Variants in SEC23A observed in about 807,000 individuals in gnomAD.
SEC23A encodes protein transport protein Sec23A.
SEC23A carries 56 observed loss-of-function variants against 103.7 expected under a neutral mutation model. That is an observed-to-expected ratio of 0.54 (90% CI 0.44 to 0.67). The LOEUF (loss-of-function observed/expected upper bound fraction) is 0.67, where lower values mean the gene tolerates loss of function less well. SEC23A is among the 30% of genes least tolerant of loss of function. The pLI is 0.00. For missense variants in SEC23A, 784 were observed against 936.4 expected, an observed-to-expected ratio of 0.84 and a Z score of 2.12; for synonymous variants, 281 against 293.0, an observed-to-expected ratio of 0.96 and a Z score of 0.42.
At chr14:39,059,309 A>AAAAAAAC in intron 13 of SEC23A, among the ~76,000 whole-genome samples, 2 of 87,654 alleles carry the variant, frequency 2.3e-5, no homozygotes, top group Non-Finnish European at 5.2e-5. Flanking sequence ...AAAAAAAAAA[A>AAAAAAAC]ACAACAAGGT....
Position 39,092,329 on chromosome 14 carries a change from C to G in SEC23A, c.366+212G>C, listed in dbSNP as rs140572743. On this transcript the variant is annotated intron_variant, in intron 4 of 19. Coordinates refer to ENST00000307712, the MANE Select transcript of SEC23A (RefSeq NM_006364.4). ...TACTGATCTACTCAGTATAGCAAAT[C>G]ACACCACCCTACCCAGTATCTTGGC... Among the ~76,000 whole-genome samples, 365 of 152,258 alleles carry G rather than the reference C, an allele frequency of 2.4e-3. 3 individuals are homozygous for G. The highest frequency in any genetic ancestry group is 8.1e-3 in the African/African-American group (337 of 41,548).
chr14:39,071,429 A>C (rs1886836047), intron 9 of SEC23A, among the ~76,000 whole-genome samples: 1 of 152,172 alleles, frequency 6.6e-6, no homozygotes, highest in Non-Finnish European at 1.5e-5. Flanking sequence ...ACATGCCTGT[A>C]ATCCAGATAC....
intron 9 of SEC23A, among the ~76,000 whole-genome samples, chr14:39,071,049 T>A (rs1886825625): frequency 6.6e-6 from 1 of 151,344 alleles, no homozygotes; most frequent in Non-Finnish European, 1.5e-5. Context: ...AAAAAAAGAC[T>A]AAACGACTTA....
intron 9 of SEC23A, among the ~76,000 whole-genome samples, chr14:39,070,357 A>G (rs1886802833): frequency 6.6e-6 from 1 of 152,224 alleles, no homozygotes; most frequent in South Asian, 2.1e-4. Flanking sequence ...ATGGAAGAGG[A>G]AAGAACACAT....
At chr14:39,094,873 T>C (rs1566515722) in intron 2 of SEC23A, 2 of 622,954 alleles carry the variant, frequency 3.2e-6, no homozygotes, top group Middle Eastern at 2.7e-4. Flanking sequence ...CAGAAATATA[T>C]ACAGAGGCTA....
chr14:39,100,265 T>C lies in SEC23A; in HGVS notation c.-22+2767A>G, dbSNP rs190936738. Among the ~76,000 whole-genome samples the C allele has an allele frequency of 1.7e-3, 252 of 152,276 alleles. 1 individual carries two copies. The highest frequency in any genetic ancestry group is 0.012 in the Admixed American group (182 of 15,264). On this transcript the variant is annotated intron_variant, in intron 1 of 19. Transcript: ENST00000307712. ...TTCTCAATTGGTCCAATTACATGGCTATGCACAACACTTCCCTGACTTCCC... is the reference window on the plus strand; with the variant it reads ...TTCTCAATTGGTCCAATTACATGGCCATGCACAACACTTCCCTGACTTCCC...
chr14:39,090,917 TCAACATCAGGAG>T, intron 5 of SEC23A: 1 of 306,978 alleles, frequency 3.3e-6, no homozygotes, highest in Non-Finnish European at 6.2e-6. Context: ...CTGGCCAATG[TCAACATCAGGAG>T]CTTCATCTGC....
chr14:39,053,373 T>C (rs925424894), intron 14 of SEC23A, among the ~76,000 whole-genome samples: 2 of 152,206 alleles, frequency 1.3e-5, no homozygotes, highest in African/African-American at 4.8e-5. Flanking sequence ...ACTTTTCTGC[T>C]ATCCTAAATA....
At chr14:39,063,251 A>G in intron 12 of SEC23A, 73 bp downstream of exon 12, 203 of 731,572 alleles carry the variant, frequency 2.8e-4, no homozygotes, top group Non-Finnish European at 4.6e-4. Context: ...AATATGAACT[A>G]TTCATGGCCT....
intron 18 of SEC23A, 50 bp from the exon 19 acceptor site, chr14:39,039,146 A>C: frequency 7.1e-7 from 1 of 1,413,798 alleles, no homozygotes; most frequent in Non-Finnish European, 1.0e-6. Flanking sequence ...GGTTTCAGTC[A>C]ATATCAGCTG....
intron 13 of SEC23A, 116 bp downstream of exon 13, chr14:39,061,649 T>G: frequency 4.1e-6 from 3 of 739,944 alleles, no homozygotes; most frequent in Non-Finnish European, 7.3e-6. Flanking sequence ...AAAATACTAT[T>G]AGTCACAAAT....
intron 16 of SEC23A, among the ~76,000 whole-genome samples, chr14:39,044,257 A>G (rs1326449779): frequency 6.6e-6 from 1 of 152,156 alleles, no homozygotes; most frequent in Non-Finnish European, 1.5e-5. Flanking sequence ...ACCATTCTAC[A>G]TTTTTCAGAT....
In SEC23A at chr14:39,064,593, T is replaced by G. The variant is rs142524766; in HGVS notation, c.1308+320A>C. 1.3e-3 allele frequency: 342 copies of G among 256,044 alleles called. 1 individual carries two copies. Among genetic ancestry groups the G allele is most frequent in the African/African-American group, 6.0e-3 (279 of 46,136 alleles). The allele number at this position is 256,044 out of a possible 1,614,324, so 15.9% of individuals were successfully genotyped here. On this transcript the variant is annotated intron_variant, in intron 11 of 19. Transcript: ENST00000307712. ...ATTAGGGATGGATGGGAAAAGGGTA[T>G]GCAGAAAGAGCAACCATGAATAGAG...
intron 1 of SEC23A, among the ~76,000 whole-genome samples, 196 bp downstream of exon 1, chr14:39,102,836 G>A (rs1888161904): frequency 6.6e-6 from 1 of 152,200 alleles, no homozygotes; most frequent in Admixed American, 6.5e-5. Flanking sequence ...GAGGAGGCCG[G>A]GCCCCCGGCC....
intron 9 of SEC23A, among the ~76,000 whole-genome samples, chr14:39,067,729 G>A: frequency 6.8e-6 from 1 of 147,172 alleles, no homozygotes; most frequent in Non-Finnish European, 1.5e-5. Context: ...GGAGTGCAGT[G>A]GAACAATCAC....
Position 39,033,047 on chromosome 14 carries a change from T to A in SEC23A, c.*192A>T. On this transcript the variant is annotated 3_prime_UTR_variant, in exon 20 of 20. Coordinates refer to ENST00000307712, the MANE Select transcript of SEC23A (RefSeq NM_006364.4). ...AACACTGTGGTAAGCAAAATAAATT[T>A]GTTCTTATTGCTCTCATTATAATTC... is the stretch of plus-strand genomic sequence containing the variant. 1 of 591,156 alleles carries A rather than the reference T, an allele frequency of 1.7e-6. No homozygotes were observed. Among genetic ancestry groups the A allele is most frequent in the Non-Finnish European group, 3.1e-6 (1 of 326,010 alleles). The allele number at this position is 591,156 out of a possible 1,614,324, so 36.6% of individuals were successfully genotyped here.
intron 1 of SEC23A, among the ~76,000 whole-genome samples, chr14:39,096,767 T>A (rs1014127427): frequency 6.6e-6 from 1 of 152,216 alleles, no homozygotes; most frequent in African/African-American, 2.4e-5. Flanking sequence ...ATGTTTTCCA[T>A]ATCAGTTTTG....
intron 17 of SEC23A, 97 bp from the exon 18 acceptor site, chr14:39,040,984 A>C (rs974503222): frequency 7.1e-7 from 1 of 1,409,274 alleles, no homozygotes; most frequent in African/African-American, 1.4e-5. Context: ...AAACTAAAAA[A>C]ATTATAGACC....
chr14:39,080,832 A>G (rs1426031413), intron 7 of SEC23A, among the ~76,000 whole-genome samples: 1 of 152,194 alleles, frequency 6.6e-6, no homozygotes, highest in African/African-American at 2.4e-5. Flanking sequence ...GGCCTACCAC[A>G]TACTAGAGAA....
Sources: gnomAD v4.1 joint callset for allele counts (sites outside exome capture counted in the v4.1 genomes callset) on GRCh38, gnomAD v4.1.1 for gene constraint, MANE v1.5 for transcripts, NCBI Gene and HGNC (gene_info 2026-07-23, HGNC 2026-07-21) for gene names.